The following AUTS2 variants were observed in gnomAD, a reference collection of about 807,000 sequenced individuals.
AUTS2 encodes the protein autism susceptibility gene 2 protein.
Under a neutral mutation model 112.4 loss-of-function variants are expected in AUTS2, and 17 were observed. That is an observed-to-expected ratio of 0.15 (90% CI 0.10 to 0.23). The LOEUF (loss-of-function observed/expected upper bound fraction) is 0.23, where lower values mean the gene tolerates loss of function less well. Ranked by LOEUF, AUTS2 falls within the 10% of genes least tolerant of loss-of-function variation. AUTS2 has a pLI of 1.00. For missense variants in AUTS2, 1,510 were observed against 1,701.6 expected (o/e 0.89, Z 1.98); for synonymous variants, 751 against 702.7 (o/e 1.07, Z -1.09).
intron 4 of AUTS2, among the ~76,000 whole-genome samples, chr7:70,372,235 A>C (rs1454523734): frequency 1.3e-5 from 2 of 152,222 alleles, no homozygotes; most frequent in Non-Finnish European, 2.9e-5. Flanking sequence ...TCTGATGCCA[A>C]CCTGGCCAGA....
intron 1 of AUTS2, among the ~76,000 whole-genome samples, chr7:69,710,796 T>A (rs1455636686): frequency 3.3e-5 from 5 of 152,180 alleles, no homozygotes; most frequent in East Asian, 1.9e-4. Flanking sequence ...AAAGAAGGTG[T>A]GGGAGAAATG....
At chr7:70,648,313 AAC>A (rs1388464515) in intron 5 of AUTS2, among the ~76,000 whole-genome samples, 11 of 152,140 alleles carry the variant, frequency 7.2e-5, no homozygotes, top group African/African-American at 2.4e-4. Flanking sequence ...CACCTTCACC[AAC>A]ACCTTTCACG....
Position 70,110,850 on chromosome 7 carries a change from T to A in AUTS2, c.523-7282T>A, listed in dbSNP as rs915937599. Among the ~76,000 whole-genome samples the A allele has an allele frequency of 4.8e-5, 7 of 146,078 alleles. No individual in the cohort carries two copies. The East Asian group carries it at 1.0e-3, about 22-fold the overall frequency. On this transcript the variant is annotated intron_variant, in intron 2 of 18. Transcript: ENST00000342771. ...TGAATTTCAAGGGAATACCTAACTT[T>A]CTTTCTTTCTTTTTTTTTTTTTTTT...
At chr7:70,306,886 CAA>C (rs1454289409) in intron 4 of AUTS2, among the ~76,000 whole-genome samples, 1 of 152,176 alleles carries the variant, frequency 6.6e-6, no homozygotes, top group African/African-American at 2.4e-5. Flanking sequence ...TTATCTCCAT[CAA>C]AACACAGATG....
At position 69,615,963 on chromosome 7, in the gene AUTS2, G is replaced by A. The variant is rs554178137; in HGVS notation, c.309+16001G>A. Among the ~76,000 whole-genome samples, 4 of 152,298 alleles carry A rather than the reference G, an allele frequency of 2.6e-5. No homozygotes were observed. In the East Asian group the frequency reaches 5.8e-4, roughly 22 times the overall value. On this transcript the variant is annotated intron_variant, in intron 1 of 18. Coordinates refer to ENST00000342771, the MANE Select transcript of AUTS2 (RefSeq NM_015570.4). ...AGGATAGGTCACCAGGCTTGCAATCGATGACTCTTGCTTAGTTCAGCACTG... is the reference window on the plus strand; with the variant it reads ...AGGATAGGTCACCAGGCTTGCAATCAATGACTCTTGCTTAGTTCAGCACTG...
intron 6 of AUTS2, among the ~76,000 whole-genome samples, chr7:70,705,812 C>G (rs962603131): frequency 3.9e-5 from 6 of 152,176 alleles, no homozygotes; most frequent in African/African-American, 1.4e-4. Context: ...CTACAAATGA[C>G]TTCTCATCAA....
rs537990500 is a variant in AUTS2 at position 70,482,913 on chromosome 7, A to G, written c.690+47132A>G. ...TTCCTATGTATTGAATTATATTTTT[A>G]TCTACTCAAAGGAGGATAATTGTGT... On this transcript the variant is annotated intron_variant, in intron 5 of 18. Transcript: ENST00000342771. 3.3e-5 allele frequency among the ~76,000 whole-genome samples: 5 copies of G among 152,264 alleles called. No individual in the cohort carries two copies. The East Asian group carries it at 9.7e-4, about 29-fold the overall frequency.
intron 1 of AUTS2, among the ~76,000 whole-genome samples, chr7:69,672,621 C>T (rs1796387086): frequency 6.6e-6 from 1 of 152,222 alleles, no homozygotes. Context: ...AGAGGATAAG[C>T]TACCTGTCCT....
chr7:69,867,830 T>C (rs1793303926), intron 1 of AUTS2, among the ~76,000 whole-genome samples: 1 of 152,152 alleles, frequency 6.6e-6, no homozygotes, highest in African/African-American at 2.4e-5. Flanking sequence ...TCATTTGAAA[T>C]AGGCGCAGTG....
intron 4 of AUTS2, among the ~76,000 whole-genome samples, chr7:70,426,877 G>A (rs887781814): frequency 6.7e-6 from 1 of 149,672 alleles, no homozygotes; most frequent in South Asian, 2.1e-4. Flanking sequence ...ATAGACTCTT[G>A]TATTATTTTA....
At chr7:70,745,243 C>T (rs926007652) in intron 6 of AUTS2, among the ~76,000 whole-genome samples, 2 of 152,120 alleles carry the variant, frequency 1.3e-5, no homozygotes, top group Non-Finnish European at 2.9e-5. Flanking sequence ...CTTAGTCATT[C>T]GGGCATCATT....
chr7:69,643,545 G>C (rs568984194), intron 1 of AUTS2, among the ~76,000 whole-genome samples: 22 of 152,168 alleles, frequency 1.4e-4, no homozygotes, highest in Non-Finnish European at 2.8e-4. Context: ...GCTCCACAGA[G>C]TATTTGTACC....
At chr7:70,640,957 A>G (rs1253125482) in intron 5 of AUTS2, among the ~76,000 whole-genome samples, 4 of 152,168 alleles carry the variant, frequency 2.6e-5, no homozygotes, top group Middle Eastern at 3.4e-3. Flanking sequence ...CATGGCAGCC[A>G]GTGTGGCCAC....
intron 2 of AUTS2, among the ~76,000 whole-genome samples, chr7:70,010,412 C>T (rs1023686987): frequency 1.3e-5 from 2 of 152,168 alleles, no homozygotes; most frequent in African/African-American, 4.8e-5. Flanking sequence ...TCCCAAAGTG[C>T]TGGGATTGTC....
chr7:69,848,515 C>G (rs1005000025), intron 1 of AUTS2, among the ~76,000 whole-genome samples: 1 of 152,146 alleles, frequency 6.6e-6, no homozygotes, highest in African/African-American at 2.4e-5. Flanking sequence ...TGCACACACA[C>G]AGTGGCTTCC....
At chr7:69,628,709 C>G (rs1355251827) in intron 1 of AUTS2, among the ~76,000 whole-genome samples, 2 of 152,096 alleles carry the variant, frequency 1.3e-5, no homozygotes, top group Non-Finnish European at 2.9e-5. Context: ...TTTAAACAAG[C>G]AGATCTCATG....
intron 4 of AUTS2, among the ~76,000 whole-genome samples, chr7:70,328,170 A>T (rs748630884): frequency 6.6e-6 from 1 of 152,148 alleles, no homozygotes; most frequent in Non-Finnish European, 1.5e-5. Context: ...CAGAGAACCA[A>T]ATGCCTTTCA....
intron 6 of AUTS2, among the ~76,000 whole-genome samples, chr7:70,721,110 T>A (rs1786631783): frequency 6.6e-6 from 1 of 151,018 alleles, no homozygotes; most frequent in Non-Finnish European, 1.5e-5. Context: ...AATAGCACCA[T>A]TTGCTGAGCC....
intron 1 of AUTS2, among the ~76,000 whole-genome samples, chr7:69,679,664 A>C (rs189734893): frequency 1.1e-3 from 170 of 152,346 alleles, no homozygotes; most frequent in Non-Finnish European, 1.8e-3. Context: ...ATTTGGAAGA[A>C]ATCAGGAAAG....
Sources: allele counts gnomAD v4.1 joint callset (sites outside exome capture counted in the v4.1 genomes callset), GRCh38; gene constraint gnomAD v4.1.1; transcripts MANE v1.5; gene names NCBI Gene and HGNC (gene_info 2026-07-23, HGNC 2026-07-21).